GPR158: variants seen among roughly 807,000 people sequenced by gnomAD.
The protein encoded by GPR158 is metabotropic glycine receptor.
In GPR158, 30 loss-of-function variants were observed where a neutral mutation model predicts 78.2. The ratio of observed to expected loss-of-function variants is 0.38; its 90% confidence interval spans 0.29 to 0.52. The LOEUF (loss-of-function observed/expected upper bound fraction) is 0.52, where lower values mean the gene tolerates loss of function less well. Ranked by LOEUF, GPR158 falls within the 20% of genes least tolerant of loss-of-function variation. The probability of loss-of-function intolerance (pLI) is 0.83; values close to 1 mark genes in which losing one functional copy is unlikely to be tolerated. For missense variants in GPR158, 1,463 were observed against 1,523.5 expected (o/e 0.96, Z 0.66); for synonymous variants, 581 against 591.1 (o/e 0.98, Z 0.25).
intron 5 of GPR158, among the ~76,000 whole-genome samples, chr10:25,543,772 T>C (rs895431481): frequency 2.6e-5 from 4 of 152,208 alleles, no homozygotes; most frequent in African/African-American, 9.6e-5. Context: ...TGGCCTGCAG[T>C]TCCATCTACC....
intron 2 of GPR158, among the ~76,000 whole-genome samples, chr10:25,294,707 T>TA (rs1164225126): frequency 6.6e-6 from 1 of 152,244 alleles, no homozygotes; most frequent in South Asian, 2.1e-4. Flanking sequence ...GTTAAAGAGA[T>TA]ACTGCTCTAG....
chr10:25,447,497 C>T (rs566508910), intron 4 of GPR158, among the ~76,000 whole-genome samples: 4 of 152,170 alleles, frequency 2.6e-5, no homozygotes, highest in Non-Finnish European at 5.9e-5. Flanking sequence ...CTGTTAGTTT[C>T]TCGTTCCTTT....
intron 1 of GPR158, among the ~76,000 whole-genome samples, chr10:25,202,918 T>C (rs1397788743): frequency 2.0e-5 from 3 of 152,168 alleles, no homozygotes; most frequent in African/African-American, 7.2e-5. Context: ...CAGCACCTGT[T>C]GTTTCCTGAC....
At chr10:25,444,408 GGTGAGT>G (rs1835109985) in intron 4 of GPR158, among the ~76,000 whole-genome samples, 1 of 151,324 alleles carries the variant, frequency 6.6e-6, no homozygotes, top group South Asian at 2.1e-4. Context: ...CGTGTATGTG[GGTGAGT>G]GTGAGTGTAT....
At chr10:25,317,283 G>C (rs984160719) in intron 2 of GPR158, among the ~76,000 whole-genome samples, 5 of 151,692 alleles carry the variant, frequency 3.3e-5, no homozygotes, top group African/African-American at 1.2e-4. Context: ...CCTGACCTCA[G>C]GTTATCCACC....
chr10:25,576,875 G>T (rs1030320486), intron 7 of GPR158, among the ~76,000 whole-genome samples: 2 of 150,098 alleles, frequency 1.3e-5, no homozygotes, highest in African/African-American at 2.5e-5. Flanking sequence ...ATTTTTGATG[G>T]TGTTTTTGTC....
chr10:25,412,554 A>C, intron 4 of GPR158, 81 bp downstream of exon 4: 1 of 928,182 alleles, frequency 1.1e-6, no homozygotes, highest in Non-Finnish European at 1.7e-6. Flanking sequence ...TTTCCAATTC[A>C]AGTTGCTTCC....
At chr10:25,558,389 TTTTC>T (rs1355408070) in intron 6 of GPR158, among the ~76,000 whole-genome samples, 1 of 152,214 alleles carries the variant, frequency 6.6e-6, no homozygotes, top group East Asian at 1.9e-4. Context: ...GAAATATTTC[TTTTC>T]TTTATGTGAA....
intron 2 of GPR158, among the ~76,000 whole-genome samples, chr10:25,391,308 G>A (rs975699749): frequency 6.6e-6 from 1 of 152,162 alleles, no homozygotes; most frequent in Admixed American, 6.5e-5. Context: ...ATCTCAGAAT[G>A]GTAGATCCAC....
chr10:25,465,912 A>G (rs184190527), intron 4 of GPR158, among the ~76,000 whole-genome samples: 1 of 152,266 alleles, frequency 6.6e-6, no homozygotes, highest in East Asian at 1.9e-4. Flanking sequence ...GTCAATAGGG[A>G]CTTCCTTAAA....
intron 2 of GPR158, among the ~76,000 whole-genome samples, chr10:25,383,823 A>G (rs34207877): frequency 0.06 from 9,184 of 152,220 alleles, 624 homozygotes; most frequent in African/African-American, 0.17. Flanking sequence ...TTCCTCATTT[A>G]TGGAATACTT....
At chr10:25,576,693 G>A (rs1243341195) in intron 7 of GPR158, among the ~76,000 whole-genome samples, 1 of 152,096 alleles carries the variant, frequency 6.6e-6, no homozygotes, top group African/African-American at 2.4e-5. Flanking sequence ...GCTAAGAGAA[G>A]AGATTGATTA....
intron 7 of GPR158, 114 bp from the exon 8 acceptor site, chr10:25,588,893 C>G (rs1016132605): frequency 9.1e-5 from 51 of 559,840 alleles, no homozygotes; most frequent in Middle Eastern, 6.7e-4. Context: ...ATAAGACTTT[C>G]TAACCCATCT....
At chr10:25,529,831 C>G (rs1315695347) in intron 5 of GPR158, among the ~76,000 whole-genome samples, 1 of 152,144 alleles carries the variant, frequency 6.6e-6, no homozygotes, top group African/African-American at 2.4e-5. Context: ...TTTTGAGTAG[C>G]AGGCCTTGGT....
At chr10:25,404,984 T>C (rs16925709) in intron 3 of GPR158, among the ~76,000 whole-genome samples, 1 of 152,114 alleles carries the variant, frequency 6.6e-6, no homozygotes, top group African/African-American at 2.4e-5. Flanking sequence ...AATTCATATG[T>C]TCCAAAATTC....
At chr10:25,424,130 C>T (rs1834788529) in intron 4 of GPR158, among the ~76,000 whole-genome samples, 1 of 152,094 alleles carries the variant, frequency 6.6e-6, no homozygotes, top group Non-Finnish European at 1.5e-5. Context: ...CTCTGATGGC[C>T]GGTGATGATG....
intron 3 of GPR158, among the ~76,000 whole-genome samples, chr10:25,399,489 G>A (rs1834412770): frequency 6.6e-6 from 1 of 152,122 alleles, no homozygotes; most frequent in South Asian, 2.1e-4. Context: ...ATGGTCTGAG[G>A]TGGAGCAGTT....
At chr10:25,390,782 A>G (rs1271143232) in intron 2 of GPR158, among the ~76,000 whole-genome samples, 1 of 152,236 alleles carries the variant, frequency 6.6e-6, no homozygotes, top group Non-Finnish European at 1.5e-5. Context: ...AAATTTACAT[A>G]AGTAACAAGG....
intron 6 of GPR158, among the ~76,000 whole-genome samples, chr10:25,565,805 G>A (rs929631251): frequency 2.5e-4 from 38 of 152,254 alleles, no homozygotes; most frequent in African/African-American, 8.7e-4. Flanking sequence ...GCGGCTGACC[G>A]TGGTGAGTGA....
Sources: allele counts gnomAD v4.1 joint callset (sites outside exome capture counted in the v4.1 genomes callset), GRCh38; gene constraint gnomAD v4.1.1; transcripts MANE v1.5; gene names NCBI Gene and HGNC (gene_info 2026-07-23, HGNC 2026-07-21).